SLC22A14: variants seen among roughly 807,000 people sequenced by gnomAD.
SLC22A14 encodes the protein organic cation transporter-like 4.
SLC22A14 carries 50 observed loss-of-function variants against 53.9 expected under a neutral mutation model. The observed-to-expected ratio is 0.93, with a 90% CI of 0.74 to 1.17. SLC22A14 has a LOEUF of 1.17. Among genes scored for constraint, SLC22A14 ranks in the 50% most tolerant of loss-of-function variants. The pLI is 0.00. For missense variants in SLC22A14, 671 were observed against 734.7 expected (o/e 0.91, Z 1.00); for synonymous variants, 312 against 303.0 (o/e 1.03, Z -0.31).
chr3:38,318,281 C>A lies in SLC22A14; in HGVS notation c.*32C>A. The A allele has an allele frequency of 6.3e-7, 1 of 1,596,770 alleles. No homozygotes were observed. The highest frequency in any genetic ancestry group is 8.6e-7 in the Non-Finnish European group (1 of 1,164,126). ...GGCCAAGAATGTCATTCTCAATGCC[C>A]AGATCCTGAGATTGGACCCATACCC... On this transcript the variant is annotated 3_prime_UTR_variant, in exon 11 of 11. Transcript: ENST00000448498.
intron 1 of SLC22A14, among the ~76,000 whole-genome samples, chr3:38,286,194 A>T (rs977755223): frequency 6.6e-6 from 1 of 152,184 alleles, no homozygotes; most frequent in Non-Finnish European, 1.5e-5. Flanking sequence ...GTGAGCTGAG[A>T]TTGTGCCATT....
chr3:38,282,691 G>C (rs1388002128), intron 1 of SLC22A14, among the ~76,000 whole-genome samples: 3 of 152,164 alleles, frequency 2.0e-5, no homozygotes, highest in Admixed American at 2.0e-4. Context: ...TAGAGGGAGT[G>C]AGTGCTCCAG....
chr3:38,288,369 A>G (rs1703836003), intron 1 of SLC22A14, among the ~76,000 whole-genome samples: 1 of 152,158 alleles, frequency 6.6e-6, no homozygotes, highest in Non-Finnish European at 1.5e-5. Context: ...CCTTTTGTCT[A>G]TTGTGAACAA....
intron 1 of SLC22A14, among the ~76,000 whole-genome samples, chr3:38,295,767 T>A: frequency 6.7e-6 from 1 of 149,970 alleles, no homozygotes. Flanking sequence ...GTCTCTCTCC[T>A]CTCTGTCTGT....
chr3:38,318,269 A>G lies in SLC22A14; in HGVS notation c.*20A>G. On this transcript the variant is annotated 3_prime_UTR_variant, in exon 11 of 11. Transcript: ENST00000448498. ...GTCTGAGGAAGCGGCCAAGAATGTC[A>G]TTCTCAATGCCCAGATCCTGAGATT... 6.2e-7 allele frequency: 1 copy of G among 1,608,262 alleles called. No homozygotes were observed.
In SLC22A14 at chr3:38,306,122, G is replaced by A; in HGVS notation, c.96G>A (p.Trp32Ter). The change falls in exon 2 of 11, where the codon TGG becomes TGA. Residue 32 changes from tryptophan (W) to a stop codon, truncating the protein, a stop_gained. Coordinates refer to ENST00000448498, the MANE Select transcript of SLC22A14 (RefSeq NM_001320033.2). LOFTEE classifies it high-confidence loss of function. Reference sequence around the variant, plus strand: ...AGGTAGCAGGACATCCACATTCCTGGTCTCTGGAGATGCTGTTACGCAGAT... The same window carrying A: ...AGGTAGCAGGACATCCACATTCCTGATCTCTGGAGATGCTGTTACGCAGAT... ...QHEVAGHPHSWSLEMLLRRLR... is the reference protein window; with the variant it reads ...QHEVAGHPHS The A allele has an allele frequency of 6.2e-7, 1 of 1,614,132 alleles. No individual in the cohort carries two copies. Among genetic ancestry groups the A allele is most frequent in the Non-Finnish European group, 8.5e-7 (1 of 1,180,018 alleles).
upstream of SLC22A14, among the ~76,000 whole-genome samples, chr3:38,281,978 A>C (rs899961702): frequency 6.6e-6 from 1 of 152,206 alleles, no homozygotes; most frequent in Non-Finnish European, 1.5e-5. Flanking sequence ...GAGACAGAGC[A>C]GAAGTGAGTG....
chr3:38,288,762 A>G (rs1703844473), intron 1 of SLC22A14, among the ~76,000 whole-genome samples: 1 of 152,218 alleles, frequency 6.6e-6, no homozygotes, highest in Admixed American at 6.5e-5. Flanking sequence ...AGTCATCCTA[A>G]TGGGTGTCTT....
At chr3:38,289,419 G>T (rs528148846) in intron 1 of SLC22A14, among the ~76,000 whole-genome samples, 1 of 152,062 alleles carries the variant, frequency 6.6e-6, no homozygotes, top group African/African-American at 2.4e-5. Context: ...TTGTCATGTT[G>T]TTACCCAGGG....
chr3:38,292,341 T>A (rs1373369403), intron 1 of SLC22A14, among the ~76,000 whole-genome samples: 1 of 152,180 alleles, frequency 6.6e-6, no homozygotes, highest in Non-Finnish European at 1.5e-5. Context: ...TGTACAGGGA[T>A]GCAGAAAAAG....
intron 1 of SLC22A14, among the ~76,000 whole-genome samples, chr3:38,293,932 C>T (rs1703968236): frequency 6.6e-6 from 1 of 152,204 alleles, no homozygotes; most frequent in African/African-American, 2.4e-5. Flanking sequence ...AACATTATAT[C>T]TCTCCATGTC....
chr3:38,279,024 G>A (rs1703618665), upstream of SLC22A14, among the ~76,000 whole-genome samples: 1 of 152,106 alleles, frequency 6.6e-6, no homozygotes, highest in Non-Finnish European at 1.5e-5. Context: ...GAAGGTTTCA[G>A]TCTCTCTTCT....
At chr3:38,312,856 A>T in intron 5 of SLC22A14, 143 bp from the exon 6 acceptor site, 1 of 1,060,380 alleles carries the variant, frequency 9.4e-7, no homozygotes, top group Non-Finnish European at 1.4e-6. Flanking sequence ...GGGCAGCTCG[A>T]GGTCAGTGGT....
At chr3:38,306,715 G>T (rs1045977095) in intron 2 of SLC22A14, among the ~76,000 whole-genome samples, 173 bp downstream of exon 2, 23 of 152,320 alleles carry the variant, frequency 1.5e-4, no homozygotes, top group Middle Eastern at 3.4e-3. Flanking sequence ...CCCAGCCCTG[G>T]CCCTGCCTAT....
upstream of SLC22A14, among the ~76,000 whole-genome samples, chr3:38,281,197 C>T (rs536900382): frequency 2.1e-3 from 320 of 152,260 alleles, no homozygotes; most frequent in African/African-American, 7.1e-3. Context: ...ATTGCAGTGC[C>T]CTGCCCCCAA....
Position 38,316,334 on chromosome 3 carries a change from C to T in SLC22A14, c.1543C>T (p.Leu515=). The part of the protein sequence containing the change: ...LLPTVLRATG[L]GLVSLASVAG... ...CACCTCCACTTTCAGGGCGACAGGT[C>T]TGGGGCTGGTGTCTCTGGCCTCGGT... The change falls in exon 10 of 11, where the codon CTG becomes TTG. Residue 515 remains leucine, a synonymous_variant. Transcript: ENST00000448498. The T allele has an allele frequency of 6.2e-7, 1 of 1,614,144 alleles. No homozygotes were observed. Among genetic ancestry groups the T allele is most frequent in the Non-Finnish European group, 8.5e-7 (1 of 1,180,028 alleles).
rs537886200 is a variant in SLC22A14 at position 38,311,617 on chromosome 3, ACTT to A, written c.945-1376_945-1374del. Among the ~76,000 whole-genome samples, 17 of 147,196 alleles carry A rather than the reference ACTT, an allele frequency of 1.2e-4. No homozygotes were observed. The South Asian group carries it at 2.9e-3, about 25-fold the overall frequency. On this transcript the variant is annotated intron_variant, in intron 5 of 10. Coordinates refer to ENST00000448498, the MANE Select transcript of SLC22A14 (RefSeq NM_001320033.2). ...CACACCCTCAACACTTTGCTTAGGGACTTCTTCTGCCAAATGTCCTATTTCATC... is the reference window on the plus strand; with the variant it reads ...CACACCCTCAACACTTTGCTTAGGGACTTCTGCCAAATGTCCTATTTCATC...
At chr3:38,312,901 G>A in intron 5 of SLC22A14, 98 bp from the exon 6 acceptor site, 1 of 1,487,132 alleles carries the variant, frequency 6.7e-7, no homozygotes, top group South Asian at 1.2e-5. Context: ...ATCACCTCAT[G>A]CTGGCACAGG....
chr3:38,298,485 A>G (rs1327972947), intron 1 of SLC22A14, among the ~76,000 whole-genome samples: 6 of 151,338 alleles, frequency 4.0e-5, no homozygotes, highest in Non-Finnish European at 8.8e-5. Context: ...TAATCTATCT[A>G]TCATGAGTTC....
Sources: gnomAD v4.1 joint callset for allele counts (sites outside exome capture counted in the v4.1 genomes callset) on GRCh38, gnomAD v4.1.1 for gene constraint, MANE v1.5 for transcripts, NCBI Gene and HGNC (gene_info 2026-07-23, HGNC 2026-07-21) for gene names.